Variants in WWC1 observed in about 807,000 individuals in gnomAD.
WWC1 encodes protein KIBRA.
In WWC1, 55 loss-of-function variants were observed where a neutral mutation model predicts 138.4. The ratio of observed to expected loss-of-function variants is 0.40; its 90% CI spans 0.32 to 0.50. WWC1 has a LOEUF of 0.50. Among genes scored for constraint, WWC1 ranks in the 20% least tolerant of loss-of-function variants. The pLI is 0.72. For missense variants in WWC1, 1,226 were observed against 1,420.4 expected (o/e 0.86, Z 2.20); for synonymous variants, 524 against 564.9 (o/e 0.93, Z 1.03).
At chr5:168,456,091 G>A (rs966346122) in intron 19 of WWC1, among the ~76,000 whole-genome samples, 4 of 152,152 alleles carry the variant, frequency 2.6e-5, no homozygotes, top group Non-Finnish European at 5.9e-5. Flanking sequence ...CTTGAGGCCA[G>A]GAGTTTAAAA....
chr5:168,346,714 T>C (rs1044014432), intron 1 of WWC1, among the ~76,000 whole-genome samples: 9 of 152,242 alleles, frequency 5.9e-5, no homozygotes, highest in African/African-American at 1.9e-4. Context: ...CCAGGGCCCA[T>C]GCTTGGTATG....
chr5:168,463,246 C>G (rs1217639269), intron 20 of WWC1, among the ~76,000 whole-genome samples: 1 of 152,168 alleles, frequency 6.6e-6, no homozygotes, highest in Non-Finnish European at 1.5e-5. Flanking sequence ...GCTGAAACCT[C>G]TAAGTGTTAA....
intron 1 of WWC1, among the ~76,000 whole-genome samples, chr5:168,326,643 C>G (rs2152763111): frequency 6.6e-6 from 1 of 152,252 alleles, no homozygotes; most frequent in South Asian, 2.1e-4. Context: ...TGTCCTGGTT[C>G]AAGCAATTCT....
At chr5:168,376,683 G>A (rs1777196089) in intron 2 of WWC1, among the ~76,000 whole-genome samples, 1 of 125,844 alleles carries the variant, frequency 7.9e-6, no homozygotes, top group African/African-American at 3.3e-5. Context: ...ATTTACAGTA[G>A]CCACACACAA....
At chr5:168,334,374 G>A (rs1039353771) in intron 1 of WWC1, among the ~76,000 whole-genome samples, 7 of 152,068 alleles carry the variant, frequency 4.6e-5, no homozygotes, top group African/African-American at 7.2e-5. Context: ...AACAGGTCTC[G>A]AGAGACATTG....
At chr5:168,454,185 G>A in intron 18 of WWC1, 85 bp downstream of exon 18, 1 of 1,545,934 alleles carries the variant, frequency 6.5e-7, no homozygotes, top group Non-Finnish European at 8.7e-7. Context: ...AAGACTCAGA[G>A]CTAAGTCTTG....
At chr5:168,337,741 G>A (rs1358532041) in intron 1 of WWC1, among the ~76,000 whole-genome samples, 6 of 152,208 alleles carry the variant, frequency 3.9e-5, no homozygotes, top group Non-Finnish European at 8.8e-5. Context: ...ATTGTTGTAA[G>A]TTCCATGAAG....
chr5:168,419,268 A>C (rs763674248), intron 9 of WWC1, among the ~76,000 whole-genome samples: 25 of 152,214 alleles, frequency 1.6e-4, no homozygotes, highest in Non-Finnish European at 2.9e-4. Flanking sequence ...GCAGGTTGAC[A>C]TGAGGGGATG....
At chr5:168,399,448 G>A (rs1197056279) in intron 4 of WWC1, 40 bp from the exon 5 acceptor site, 1 of 1,611,204 alleles carries the variant, frequency 6.2e-7, no homozygotes, top group Non-Finnish European at 8.5e-7. Context: ...CTTGGTGTCA[G>A]CCTCTGACCC....
At chr5:168,377,668 CAT>C (rs1777304661) in intron 2 of WWC1, among the ~76,000 whole-genome samples, 1 of 152,114 alleles carries the variant, frequency 6.6e-6, no homozygotes, top group East Asian at 1.9e-4. Context: ...GGCTAACAAA[CAT>C]ATGAAAAAAT....
chr5:168,387,439 G>A lies in WWC1; in HGVS notation c.433+2025G>A, dbSNP rs528145037. 2.0e-5 allele frequency among the ~76,000 whole-genome samples: 3 copies of A among 152,332 alleles called. No homozygotes were observed. In the East Asian group the frequency reaches 5.8e-4, roughly 29 times the overall value. On this transcript the variant is annotated intron_variant, in intron 3 of 22. Coordinates refer to ENST00000265293, the MANE Select transcript of WWC1 (RefSeq NM_015238.3). ...GAAAAGAACTGTGTTACATTCATTA[G>A]CTATTCTGTGTCAAGTAATGTTCTG...
chr5:168,313,264 C>T (rs1771276747), intron 1 of WWC1, among the ~76,000 whole-genome samples: 1 of 152,082 alleles, frequency 6.6e-6, no homozygotes, highest in Admixed American at 6.6e-5. Context: ...GGCCGTGGAC[C>T]AGCACGTCAG....
chr5:168,329,890 A>G (rs1027416224), intron 1 of WWC1, among the ~76,000 whole-genome samples: 1 of 152,138 alleles, frequency 6.6e-6, no homozygotes, highest in African/African-American at 2.4e-5. Context: ...CAGGCGGATC[A>G]CCTGAGGTCA....
Position 168,380,023 on chromosome 5 carries a change from A to T in WWC1, c.230-5188A>T, listed in dbSNP as rs544650940. Among the ~76,000 whole-genome samples, 11 of 152,384 alleles carry T rather than the reference A, an allele frequency of 7.2e-5. No homozygotes were observed. The South Asian group carries it at 2.1e-3, about 29-fold the overall frequency. On this transcript the variant is annotated intron_variant, in intron 2 of 22. Coordinates refer to ENST00000265293, the MANE Select transcript of WWC1 (RefSeq NM_015238.3). ...TAATAAATTTGGTTTCATCAAATTA[A>T]AATCTTTGTTCCTCAAAAGACATTA... is the stretch of plus-strand genomic sequence containing the variant.
chr5:168,424,741 A>G (rs776425955), intron 11 of WWC1, among the ~76,000 whole-genome samples: 6 of 152,204 alleles, frequency 3.9e-5, no homozygotes, highest in South Asian at 2.1e-4. Flanking sequence ...GCAAGAGTCC[A>G]GATCCTGAAA....
In WWC1 at chr5:168,291,938, G is replaced by C. The variant is rs1185120796; in HGVS notation, c.-215G>C. The C allele has an allele frequency of 3.3e-6, 1 of 304,696 alleles. No individual in the cohort carries two copies. Among genetic ancestry groups the C allele is most frequent in the Non-Finnish European group, 5.7e-6 (1 of 174,624 alleles). The allele number at this position is 304,696 out of a possible 1,614,324, so 18.9% of individuals were successfully genotyped here. ...CACATGGCAGCGTGAGAGGCCGGCG[G>C]CGGGAGGAGCGGGCGGCGCCGGGTC... is the stretch of plus-strand genomic sequence containing the variant. On this transcript the variant is annotated 5_prime_UTR_variant, in exon 1 of 23. Coordinates refer to ENST00000265293, the MANE Select transcript of WWC1 (RefSeq NM_015238.3).
Position 168,408,028 on chromosome 5 carries a change from ATTTTTTTTT to A in WWC1, c.721-466_721-458del, listed in dbSNP as rs1181472544. Among the ~76,000 whole-genome samples the A allele has an allele frequency of 6.3e-3, 744 of 117,440 alleles. 6 individuals carry two copies. The highest frequency in any genetic ancestry group is 0.022 in the African/African-American group (692 of 30,962). 77.0% of individuals were successfully genotyped at this position (117,440 alleles called of 152,430 possible). ...CAGACATGCACCGCCACATCCAGCTATTTTTTTTTTTTTTTTTTTTTAGAGATGGGAGTC... is the reference window on the plus strand; with the variant it reads ...CAGACATGCACCGCCACATCCAGCTATTTTTTTTTTTTAGAGATGGGAGTC... On this transcript the variant is annotated intron_variant, in intron 6 of 22. Transcript: ENST00000265293.
chr5:168,468,092 C>T, intron 22 of WWC1, 128 bp downstream of exon 22: 3 of 1,450,506 alleles, frequency 2.1e-6, no homozygotes, highest in Non-Finnish European at 2.8e-6. Flanking sequence ...AACAGATGTT[C>T]ATCCTCCGCC....
intron 5 of WWC1, among the ~76,000 whole-genome samples, chr5:168,402,202 A>G (rs1055479861): frequency 2.6e-5 from 4 of 152,124 alleles, no homozygotes; most frequent in Non-Finnish European, 4.4e-5. Flanking sequence ...ATAAGACTCC[A>G]TGGCAGCTCC....
Sources: gnomAD v4.1 joint callset for allele counts (sites outside exome capture counted in the v4.1 genomes callset) on GRCh38, gnomAD v4.1.1 for gene constraint, MANE v1.5 for transcripts, NCBI Gene and HGNC (gene_info 2026-07-23, HGNC 2026-07-21) for gene names.